The following MTCL1 variants were observed in gnomAD, a reference collection of about 807,000 sequenced individuals.
MTCL1 encodes the protein microtubule crosslinking factor 1.
Under a neutral mutation model 141.4 loss-of-function variants are expected in MTCL1, and 79 were observed. That is an observed-to-expected ratio of 0.56 (90% CI 0.47 to 0.67). The LOEUF is 0.67. Among genes scored for constraint, MTCL1 ranks in the 30% least tolerant of loss-of-function variants. MTCL1 has a pLI of 0.00. For synonymous variants in MTCL1, 914 were observed against 875.8 expected, an observed-to-expected ratio of 1.04 and a Z score of -0.77; for missense variants, 2,177 against 2,113.9, an observed-to-expected ratio of 1.03 and a Z score of -0.59.
chr18:8,763,968 A>G (rs2096446162), intron 4 of MTCL1, among the ~76,000 whole-genome samples: 1 of 123,128 alleles, frequency 8.1e-6, no homozygotes, highest in Admixed American at 7.4e-5. Flanking sequence ...TTCAGACTTT[A>G]TATACTTGGT....
exon 6 of MTCL1, chr18:8,784,793 C>A (rs150423289): frequency 6.2e-7 from 1 of 1,611,038 alleles, no homozygotes; most frequent in African/African-American, 1.3e-5. Context: ...TTCCGTGTCC[C>A]GGGACTCCCC....
At chr18:8,777,107 G>C (rs560527758) in intron 4 of MTCL1, among the ~76,000 whole-genome samples, 2 of 152,240 alleles carry the variant, frequency 1.3e-5, no homozygotes, top group Admixed American at 6.5e-5. Context: ...GTGGTGGCAG[G>C]TGCCTATAGT....
chr18:8,715,013 G>C (rs1461442344), upstream of MTCL1, among the ~76,000 whole-genome samples: 1 of 152,070 alleles, frequency 6.6e-6, no homozygotes, highest in African/African-American at 2.4e-5. Context: ...AGCCAGGATG[G>C]TCTTGATCTC....
At chr18:8,831,724 C>T (rs1280318564) in exon 17 of MTCL1, 2 of 1,550,638 alleles carry the variant, frequency 1.3e-6, no homozygotes, top group South Asian at 2.4e-5. Context: ...TGCCTCACAG[C>T]CTCAGTCACC....
At chr18:8,788,971 A>T (rs2143700662) in intron 7 of MTCL1, among the ~76,000 whole-genome samples, 1 of 152,210 alleles carries the variant, frequency 6.6e-6, no homozygotes, top group East Asian at 1.9e-4. Context: ...AGACAATCAC[A>T]TTTGTTAAGA....
At chr18:8,802,676 T>TTA (rs1349748935) in intron 10 of MTCL1, among the ~76,000 whole-genome samples, 1 of 152,204 alleles carries the variant, frequency 6.6e-6, no homozygotes, top group African/African-American at 2.4e-5. Context: ...GTTTGACATA[T>TTA]TATAGCACAT....
In MTCL1 at chr18:8,828,913, A is replaced by G. The variant is rs770091495; in HGVS notation, c.4728A>G (p.Gln1576=). The stretch of plus-strand genomic sequence containing the variant: ...TCTCTGTCTGTTCTGTCCAGAACCA[A>G]ACTGTCTTGCTAACTGCCCCCTGGG... Residue 1576 remains glutamine, a synonymous_variant, in exon 16 of 17, where the codon CAA becomes CAG. Transcript: ENST00000359865. This position sits in a 1 kb window ranked among gnomAD's most constrained non-coding sequence, Gnocchi z 5.2. The G allele has an allele frequency of 1.2e-6, 2 of 1,614,172 alleles. No individual in the cohort carries two copies. Among genetic ancestry groups the G allele is most frequent in the Non-Finnish European group, 1.7e-6 (2 of 1,180,026 alleles).
intron 4 of MTCL1, among the ~76,000 whole-genome samples, chr18:8,742,487 A>G (rs969305552): frequency 6.6e-6 from 1 of 152,232 alleles, no homozygotes; most frequent in Admixed American, 6.5e-5. Context: ...GGCAGGAAGG[A>G]GAAGTGAGAG....
chr18:8,711,144 G>GT (rs1198672444), intron 1 of MTCL1, among the ~76,000 whole-genome samples: 4 of 150,982 alleles, frequency 2.6e-5, no homozygotes, highest in Non-Finnish European at 4.4e-5. Context: ...GCGGTGTTTG[G>GT]TTTTTTGTTC....
At chr18:8,823,579 C>A (rs16954325) in intron 14 of MTCL1, among the ~76,000 whole-genome samples, 1 of 152,272 alleles carries the variant, frequency 6.6e-6, no homozygotes, top group South Asian at 2.1e-4. Context: ...CCTTCCTTTC[C>A]GGCACTGGAT....
At chr18:8,746,001 T>A (rs2096335350) in intron 4 of MTCL1, among the ~76,000 whole-genome samples, 1 of 152,228 alleles carries the variant, frequency 6.6e-6, no homozygotes, top group Non-Finnish European at 1.5e-5. Flanking sequence ...TGTCTTTTTG[T>A]GTGTTTGGCT....
intron 4 of MTCL1, among the ~76,000 whole-genome samples, chr18:8,739,740 TG>T (rs919826602): frequency 0.013 from 2 of 152 alleles, no homozygotes; most frequent in African/African-American, 0.14. Context: ...TTTGTTCGTT[TG>T]TTTTTTTTTG....
chr18:8,806,195 T>G lies in MTCL1; in HGVS notation c.2437-698T>G, dbSNP rs115941949. ...TCAAGGGACCACAATAAAGCCTTCC[T>G]GAACAGGTTATGCATTTCACCTTTG... On this transcript the variant is annotated intron_variant, in intron 10 of 16. Transcript: ENST00000359865. 5.2e-3 allele frequency among the ~76,000 whole-genome samples: 799 copies of G among 152,266 alleles called. 6 individuals are homozygous for G. Among genetic ancestry groups the G allele is most frequent in the African/African-American group, 0.018 (759 of 41,550 alleles).
chr18:8,817,094 T>G (rs1183479016), intron 12 of MTCL1, among the ~76,000 whole-genome samples: 4 of 152,180 alleles, frequency 2.6e-5, no homozygotes, highest in Non-Finnish European at 4.4e-5. Flanking sequence ...TCCTCTTTAG[T>G]CATTCTTTTC....
At chr18:8,743,898 A>G (rs181574832) in intron 4 of MTCL1, among the ~76,000 whole-genome samples, 158 of 152,334 alleles carry the variant, frequency 1.0e-3, no homozygotes, top group Non-Finnish European at 1.7e-3. Flanking sequence ...CTATAGTAGG[A>G]AAGCAAAACT....
At chr18:8,824,557 A>C in intron 14 of MTCL1, 142 bp from the exon 14 acceptor site, 1 of 670,150 alleles carries the variant, frequency 1.5e-6, no homozygotes, top group Non-Finnish European at 2.5e-6. Context: ...AGTGCAGCAC[A>C]TGAGCAGCTG....
At chr18:8,784,022 C>T (rs901492030) in exon 6 of MTCL1, 50 of 1,613,676 alleles carry the variant, frequency 3.1e-5, no homozygotes, top group Non-Finnish European at 4.2e-5. Flanking sequence ...GCAACTGACC[C>T]ACGAGCTCAG....
chr18:8,818,638 A>G (rs1197021588), intron 12 of MTCL1, among the ~76,000 whole-genome samples: 1 of 152,234 alleles, frequency 6.6e-6, no homozygotes, highest in Non-Finnish European at 1.5e-5. Flanking sequence ...TAGATTAAAA[A>G]ATAGTAATAA....
upstream of MTCL1, among the ~76,000 whole-genome samples, chr18:8,714,253 A>G (rs1358473415): frequency 6.6e-6 from 1 of 152,200 alleles, no homozygotes; most frequent in African/African-American, 2.4e-5. Flanking sequence ...GACACAGGTA[A>G]CTAGCCTCAG....
Sources: gnomAD v4.1 joint callset for allele counts (sites outside exome capture counted in the v4.1 genomes callset) on GRCh38, gnomAD v4.1.1 for gene constraint, Gnocchi (gnomAD v3.1) non-coding constraint, MANE v1.5 for transcripts, NCBI Gene and HGNC (gene_info 2026-07-23, HGNC 2026-07-21) for gene names.